MEGF11: variants seen among roughly 807,000 people sequenced by gnomAD.
MEGF11 encodes the protein multiple EGF like domains 11.
MEGF11 carries 126 observed loss-of-function variants against 146.6 expected under a neutral mutation model. The ratio of observed to expected loss-of-function variants is 0.86; its 90% CI spans 0.74 to 1.00. The LOEUF (loss-of-function observed/expected upper bound fraction) is 1.00. MEGF11 is among the 50% of genes least tolerant of loss of function. The probability of loss-of-function intolerance (pLI) is 0.00; values close to 1 mark genes in which losing one functional copy is unlikely to be tolerated. For missense variants in MEGF11, 1,509 were observed against 1,521.2 expected (o/e 0.99, Z 0.13); for synonymous variants, 532 against 583.4 (o/e 0.91, Z 1.27).
At chr15:66,100,741 G>C (rs965664808) in intron 4 of MEGF11, among the ~76,000 whole-genome samples, 2 of 152,218 alleles carry the variant, frequency 1.3e-5, no homozygotes, top group African/African-American at 4.8e-5. Flanking sequence ...TGTGCCAGAT[G>C]CTGTGCTGGG....
intron 4 of MEGF11, among the ~76,000 whole-genome samples, chr15:66,117,210 C>G (rs11632916): frequency 0.31 from 47,331 of 151,946 alleles, 7,928 homozygotes; most frequent in Middle Eastern, 0.45. Flanking sequence ...CAAACCCAGA[C>G]CCCTGTGATT....
At chr15:66,185,396 G>GT (rs2090667726) in intron 1 of MEGF11, among the ~76,000 whole-genome samples, 14 of 152,000 alleles carry the variant, frequency 9.2e-5, no homozygotes, top group Admixed American at 9.2e-4. Context: ...GCTTTTGTGG[G>GT]GTTTTTTTTC....
At chr15:65,971,599 C>G (rs1033973160) in intron 7 of MEGF11, among the ~76,000 whole-genome samples, 12 of 152,134 alleles carry the variant, frequency 7.9e-5, no homozygotes, top group African/African-American at 2.9e-4. Flanking sequence ...GGACTGAACT[C>G]CCTGTGGCAG....
intron 4 of MEGF11, among the ~76,000 whole-genome samples, chr15:66,097,083 G>A (rs2086585249): frequency 6.6e-6 from 1 of 152,200 alleles, no homozygotes; most frequent in South Asian, 2.1e-4. Flanking sequence ...AGGGATGCAG[G>A]TGCATCTCCC....
chr15:65,898,164 A>C, intron 25 of MEGF11, 70 bp from the exon 26 acceptor site: 1 of 1,518,880 alleles, frequency 6.6e-7, no homozygotes. Context: ...AGAGGAAGAG[A>C]GTTCTACTTA....
intron 5 of MEGF11, among the ~76,000 whole-genome samples, chr15:65,990,868 G>A (rs927937039): frequency 5.3e-5 from 8 of 152,164 alleles, no homozygotes; most frequent in Non-Finnish European, 1.0e-4. Context: ...GGGATAGGAG[G>A]TGTGTTTGTA....
intron 23 of MEGF11, among the ~76,000 whole-genome samples, chr15:65,908,130 G>A (rs999595925): frequency 1.3e-5 from 2 of 152,200 alleles, no homozygotes; most frequent in Non-Finnish European, 2.9e-5. Context: ...AGCCTCCTGA[G>A]TATAGGCCCA....
chr15:66,050,439 C>T (rs2084403633), intron 5 of MEGF11, among the ~76,000 whole-genome samples: 1 of 152,142 alleles, frequency 6.6e-6, no homozygotes, highest in Admixed American at 6.5e-5. Context: ...CATGTGGAGG[C>T]AGAGGAAACA....
chr15:66,115,977 G>A (rs2087707608), intron 4 of MEGF11, among the ~76,000 whole-genome samples: 1 of 152,152 alleles, frequency 6.6e-6, no homozygotes, highest in Non-Finnish European at 1.5e-5. Context: ...AAGCCGCCCA[G>A]CCTGTGGTAC....
intron 1 of MEGF11, among the ~76,000 whole-genome samples, chr15:66,163,747 G>A (rs189549375): frequency 3.3e-5 from 5 of 152,182 alleles, no homozygotes; most frequent in Non-Finnish European, 5.9e-5. Flanking sequence ...AAAAAGATCC[G>A]TCCTGGCTGT....
intron 1 of MEGF11, among the ~76,000 whole-genome samples, chr15:66,220,341 A>C (rs1487478218): frequency 6.6e-6 from 1 of 151,994 alleles, no homozygotes; most frequent in Non-Finnish European, 1.5e-5. Flanking sequence ...AATTGATGGC[A>C]CAATAATCTA....
rs571525845 is a variant in MEGF11 at position 66,108,253 on chromosome 15, A to T, written c.301+10833T>A. ...CTGGAGTGGGCAGCCCTGGACGGAG[A>T]GGAAGAAAATGCCAGAAACCACAGC... On this transcript the variant is annotated intron_variant, in intron 4 of 25. Coordinates refer to ENST00000395614, the MANE Select transcript of MEGF11 (RefSeq NM_001385028.1). Among the ~76,000 whole-genome samples the T allele has an allele frequency of 4.6e-5, 7 of 152,322 alleles. No homozygotes were observed. In the East Asian group the frequency reaches 1.4e-3, roughly 29 times the overall value.
In MEGF11 at chr15:65,916,860, G is replaced by T; in HGVS notation, c.2183C>A (p.Thr728Asn). 5.6e-6 allele frequency: 9 copies of T among 1,603,732 alleles called. No individual in the cohort carries two copies. Among genetic ancestry groups the T allele is most frequent in the Non-Finnish European group, 7.7e-6 (9 of 1,173,318 alleles). Residue 728 changes from threonine (T) to asparagine (N), a missense_variant, in exon 17 of 26, where the codon ACC becomes AAC. Coordinates refer to ENST00000395614, the MANE Select transcript of MEGF11 (RefSeq NM_001385028.1). ...CSAEDGACHC[T>N]PGWTGLFCTQ... The stretch of plus-strand genomic sequence containing the variant: ...GCAGAAGAGTCCAGTCCAGCCAGGG[G>T]TGCAGTGGCAGGCCCCGTCCTCGGC...
intron 5 of MEGF11, among the ~76,000 whole-genome samples, chr15:66,043,058 C>T (rs2084050936): frequency 6.6e-6 from 1 of 152,218 alleles, no homozygotes; most frequent in African/African-American, 2.4e-5. Context: ...AGAAGAGAGT[C>T]CTTCAGGCAA....
chr15:66,067,864 A>C (rs1475642736), intron 5 of MEGF11, among the ~76,000 whole-genome samples: 1 of 152,200 alleles, frequency 6.6e-6, no homozygotes, highest in Non-Finnish European at 1.5e-5. Flanking sequence ...AGCAGGGCTA[A>C]GCATTCCAAG....
chr15:66,134,262 A>C (rs574312502), intron 1 of MEGF11, among the ~76,000 whole-genome samples: 1 of 152,044 alleles, frequency 6.6e-6, no homozygotes, highest in African/African-American at 2.4e-5. Flanking sequence ...TGGGCCCTCA[A>C]ACCGCCTCCT....
chr15:66,139,017 A>G (rs770423679), intron 1 of MEGF11, among the ~76,000 whole-genome samples: 2 of 152,244 alleles, frequency 1.3e-5, no homozygotes, highest in Non-Finnish European at 2.9e-5. Context: ...GGTGAATTTC[A>G]GTAAGTTTGC....
intron 5 of MEGF11, among the ~76,000 whole-genome samples, chr15:66,022,778 G>A (rs957860833): frequency 5.9e-5 from 9 of 151,478 alleles, no homozygotes; most frequent in African/African-American, 2.2e-4. Context: ...GAGGGTGGGG[G>A]TCAAGCTTGT....
intron 5 of MEGF11, among the ~76,000 whole-genome samples, chr15:66,048,967 GCTCT>G (rs951998902): frequency 6.6e-6 from 1 of 152,164 alleles, no homozygotes. Context: ...CTTCAGCCCA[GCTCT>G]CTCTCCTCTC....
Sources: allele counts gnomAD v4.1 joint callset (sites outside exome capture counted in the v4.1 genomes callset), GRCh38; gene constraint gnomAD v4.1.1; transcripts MANE v1.5; gene names NCBI Gene and HGNC (gene_info 2026-07-23, HGNC 2026-07-21).